Variants in MIP observed in about 807,000 individuals in gnomAD.
MIP encodes the protein major intrinsic protein of lens fiber, also known as lens fiber major intrinsic protein.
Under a neutral mutation model 21.8 loss-of-function variants are expected in MIP, and 14 were observed. That is an observed-to-expected ratio of 0.64 (90% CI 0.42 to 1.00). The LOEUF (loss-of-function observed/expected upper bound fraction) is 1.00, where lower values mean the gene tolerates loss of function less well. MIP is among the 50% of genes least tolerant of loss of function. MIP has a pLI of 0.00. For missense variants in MIP, 260 were observed against 333.5 expected, an observed-to-expected ratio of 0.78 and a Z score of 1.72; for synonymous variants, 133 against 141.4, an observed-to-expected ratio of 0.94 and a Z score of 0.42.
At chr12:56,453,015 T>C in intron 3 of MIP, 57 bp downstream of exon 3, 1 of 1,181,380 alleles carries the variant, frequency 8.5e-7, no homozygotes, top group South Asian at 1.2e-5. Context: ...GCCTGGAACC[T>C]GCAGTCCACA....
In MIP at chr12:56,453,713, T is replaced by A. The variant is rs1868695532; in HGVS notation, c.403A>T (p.Ile135Phe). The A allele has an allele frequency of 6.2e-7, 1 of 1,614,068 alleles. No homozygotes were observed. Among genetic ancestry groups the A allele is most frequent in the South Asian group, 1.1e-5 (1 of 91,074 alleles). The change falls in exon 2 of 4, where the codon ATC (isoleucine) becomes TTC (phenylalanine). Residue 135 changes from isoleucine to phenylalanine, a missense_variant. Ile to Phe is a conservative substitution (Grantham distance 21). Transcript: ENST00000652304. ...AGCACGAACTGGAGCGTCAGGAAGA[T>A]CTCCACTGTGGTTGCCTGGCCCACG... is the stretch of plus-strand genomic sequence containing the variant. ...VSVGQATTVE[I>F]FLTLQFVLCI...
At position 56,451,062 on chromosome 12, in the gene MIP, A is replaced by T. The variant is rs2136164228; in HGVS notation, c.*218T>A. The T allele has an allele frequency of 1.8e-6, 1 of 557,958 alleles. No homozygotes were observed. Among genetic ancestry groups the T allele is most frequent in the Admixed American group, 3.2e-5 (1 of 31,552 alleles). 34.6% of individuals were successfully genotyped at this position (557,958 alleles called of 1,614,324 possible). A position where few individuals can be genotyped will look rare whatever the true frequency, so the allele number is the denominator to read the frequency against. On this transcript the variant is annotated 3_prime_UTR_variant, in exon 4 of 4. Coordinates refer to ENST00000652304, the MANE Select transcript of MIP (RefSeq NM_012064.4). ...AGCACACACGGCGAAGGGTGGTGGG[A>T]TGGGGAGGAAGGGAAGTTTGCACCA...
In MIP at chr12:56,454,448, C is replaced by T. The variant is rs769646517; in HGVS notation, c.166G>A (p.Val56Met). ...MAFGLALATL[V>M]QSVGHISGAH... ...CCACTGATGTGGCCCACAGACTGCA[C>T]CAGTGTAGCCAGGGCCAAGCCAAAT... Residue 56 changes from valine (V) to methionine (M), a missense_variant, in exon 1 of 4, where the codon GTG (valine) becomes ATG (methionine). By Grantham distance (21) the Val-to-Met change is conservative. Transcript: ENST00000652304. 3.1e-6 allele frequency: 5 copies of T among 1,613,874 alleles called. No homozygotes were observed. Among genetic ancestry groups the T allele is most frequent in the Admixed American group, 3.3e-5 (2 of 59,990 alleles).
intron 3 of MIP, 23 bp from the exon 4 acceptor site, chr12:56,451,488 C>T (rs2136164806): frequency 8.1e-6 from 13 of 1,612,336 alleles, no homozygotes; most frequent in Non-Finnish European, 1.1e-5. Context: ...AAAAGGAATA[C>T]TCAGGCTTGG....
intron 1 of MIP, 95 bp from the exon 2 acceptor site, chr12:56,453,850 G>A: frequency 7.8e-7 from 1 of 1,276,114 alleles, no homozygotes; most frequent in Non-Finnish European, 1.1e-6. Context: ...TACGGCATCA[G>A]GTCCGTGGAG....
At position 56,454,524 on chromosome 12, in the gene MIP, G is replaced by A. The variant is rs1868734973; in HGVS notation, c.90C>T (p.Ser30=). ...GGGGTCCAGGAGCCCAGCGCAGTGA[G>A]GACCCCAGCCCAAAGAAGACATAGA... ...TLFYVFFGLG[S]SLRWAPGPLH... is the part of the protein sequence containing the mutation. Residue 30 remains serine (S), a synonymous_variant, in exon 1 of 4, where the codon TCC becomes TCT. Coordinates refer to ENST00000652304, the MANE Select transcript of MIP (RefSeq NM_012064.4). The A allele has an allele frequency of 6.2e-7, 1 of 1,613,326 alleles. No homozygotes were observed. Among genetic ancestry groups the A allele is most frequent in the African/African-American group, 1.3e-5 (1 of 74,918 alleles).
At position 56,453,707 on chromosome 12, in the gene MIP, G is replaced by T; in HGVS notation, c.409C>A (p.Leu137Met). ...VGQATTVEIF[L>M]TLQFVLCIFA... ...ATGCAGAGCACGAACTGGAGCGTCA[G>T]GAAGATCTCCACTGTGGTTGCCTGG... Residue 137 changes from leucine to methionine, a missense_variant, in exon 2 of 4, where the codon CTG becomes ATG. Coordinates refer to ENST00000652304, the MANE Select transcript of MIP (RefSeq NM_012064.4). The T allele has an allele frequency of 6.2e-7, 1 of 1,614,114 alleles. No individual in the cohort carries two copies. Among genetic ancestry groups the T allele is most frequent in the Non-Finnish European group, 8.5e-7 (1 of 1,180,006 alleles).
Position 56,451,219 on chromosome 12 carries a change from C to T in MIP, c.*61G>A. On this transcript the variant is annotated 3_prime_UTR_variant, in exon 4 of 4. Coordinates refer to ENST00000652304, the MANE Select transcript of MIP (RefSeq NM_012064.4). ...CACAGTCTCTTTCTTCATCTAGGGGCTGGCTAAACCCCTCCACGTAAACTC... is the reference window on the plus strand; with the variant it reads ...CACAGTCTCTTTCTTCATCTAGGGGTTGGCTAAACCCCTCCACGTAAACTC... 1 of 1,465,370 alleles carries T rather than the reference C, an allele frequency of 6.8e-7. No homozygotes were observed. 90.8% of individuals were successfully genotyped at this position (1,465,370 alleles called of 1,614,324 possible). A position where few individuals can be genotyped will look rare whatever the true frequency, so the allele number is the denominator to read the frequency against.
intron 3 of MIP, 121 bp from the exon 4 acceptor site, chr12:56,451,586 A>G: frequency 1.3e-6 from 1 of 762,334 alleles, no homozygotes; most frequent in East Asian, 2.5e-5. Flanking sequence ...CAATAAACTC[A>G]CCATTTATTT....
chr12:56,450,254 A>G lies in MIP; in HGVS notation c.*1026T>C, dbSNP rs1868547746. 2 of 152,176 alleles carry G rather than the reference A, an allele frequency of 1.3e-5. No individual in the cohort carries two copies. The highest frequency in any genetic ancestry group is 4.8e-5 in the African/African-American group (2 of 41,442). 9.4% of individuals were successfully genotyped at this position (152,176 alleles called of 1,614,324 possible). Reference sequence around the variant, plus strand: ...AAAAGCAGAAAGATGCCATTTGAGGAGTGTTTTGATTTGCTCTAAATAAAT... The same window carrying G: ...AAAAGCAGAAAGATGCCATTTGAGGGGTGTTTTGATTTGCTCTAAATAAAT... On this transcript the variant is annotated 3_prime_UTR_variant, in exon 4 of 4. Transcript: ENST00000652304.
chr12:56,453,570 G>A, intron 2 of MIP, 21 bp downstream of exon 2: 1 of 1,614,182 alleles, frequency 6.2e-7, no homozygotes, highest in Non-Finnish European at 8.5e-7. Context: ...TGAATGAGAA[G>A]TTGCTCTCCT....
At position 56,453,276 on chromosome 12, in the gene MIP, G is replaced by C. The variant is rs142558101; in HGVS notation, c.526-124C>G. 704 of 792,606 alleles carry C rather than the reference G, an allele frequency of 8.9e-4. 4 individuals carry two copies. In the African/African-American group the frequency reaches 0.011, roughly 12 times the overall value. The allele number at this position is 792,606 out of a possible 1,614,324, so 49.1% of individuals were successfully genotyped here. A position where few individuals can be genotyped will look rare whatever the true frequency, so the allele number is the denominator to read the frequency against. On this transcript the variant is annotated intron_variant, in intron 2 of 3. Coordinates refer to ENST00000652304, the MANE Select transcript of MIP (RefSeq NM_012064.4). Reference sequence around the variant, plus strand: ...AGCCAGCAGCAAGTGGAGAGGGACAGCCTGCATGACTCTCCAGGGGTTCCT... The same window carrying C: ...AGCCAGCAGCAAGTGGAGAGGGACACCCTGCATGACTCTCCAGGGGTTCCT...
At position 56,454,276 on chromosome 12, in the gene MIP, C is replaced by T. The variant is rs774928445; in HGVS notation, c.338G>A (p.Arg113Gln). 1.2e-5 allele frequency: 19 copies of T among 1,613,996 alleles called. No homozygotes were observed. The highest frequency in any genetic ancestry group is 2.2e-5 in the East Asian group (1 of 44,896). ...VLYSVTPPAV[R>Q]GNLALNTLHP... ...TACCGTGTTGAGTGCTAGGTTTCCT[C>T]GGACAGCAGGTGGGGTAACGCTATA... Residue 113 changes from arginine (R) to glutamine (Q), a missense_variant, in exon 1 of 4, where the codon CGA (arginine) becomes CAA (glutamine). Physicochemically the swap from Arg to Gln is conservative, Grantham distance 43. Coordinates refer to ENST00000652304, the MANE Select transcript of MIP (RefSeq NM_012064.4).
Position 56,453,140 on chromosome 12 carries a change from C to A in MIP, c.538G>T (p.Gly180Cys), listed in dbSNP as rs1315794899. The A allele has an allele frequency of 1.2e-6, 2 of 1,612,454 alleles. No homozygotes were observed. Among genetic ancestry groups the A allele is most frequent in the Non-Finnish European group, 1.7e-6 (2 of 1,178,470 alleles). ...GAGCGGGCAGGATTCATGCCTGCAC[C>A]AGTATAATACATCTGCAAAAGAGAC... ...LGHLFGMYYT[G>C]AGMNPARSFA... Residue 180 changes from glycine (G) to cysteine (C), a missense_variant, in exon 3 of 4, where the codon GGT (glycine) becomes TGT (cysteine). Gly to Cys is a radical substitution (Grantham distance 159). Coordinates refer to ENST00000652304, the MANE Select transcript of MIP (RefSeq NM_012064.4).
intron 1 of MIP, 107 bp downstream of exon 1, chr12:56,454,147 T>C: frequency 6.8e-7 from 1 of 1,476,492 alleles, no homozygotes; most frequent in Non-Finnish European, 9.4e-7. Flanking sequence ...CACATGCACA[T>C]ATTGTCCCAG....
chr12:56,453,860 G>C (rs1466496507), intron 1 of MIP, 105 bp from the exon 2 acceptor site: 2 of 1,173,268 alleles, frequency 1.7e-6, no homozygotes, highest in Admixed American at 2.0e-5. Context: ...GGTCCGTGGA[G>C]AGGAAGGATA....
At chr12:56,452,373 C>T (rs952394614) in intron 3 of MIP, among the ~76,000 whole-genome samples, 1 of 152,218 alleles carries the variant, frequency 6.6e-6, no homozygotes, top group African/African-American at 2.4e-5. Flanking sequence ...TTCCTTTTTA[C>T]AGGTAATATT....
At chr12:56,452,906 A>C in intron 3 of MIP, 166 bp downstream of exon 3, 1 of 680,080 alleles carries the variant, frequency 1.5e-6, no homozygotes, top group Non-Finnish European at 2.7e-6. Flanking sequence ...TAGCAAAATC[A>C]TGAATCCTGC....
At chr12:56,453,867 G>A (rs1006059421) in intron 1 of MIP, 112 bp from the exon 2 acceptor site, 5 of 1,058,828 alleles carry the variant, frequency 4.7e-6, no homozygotes, top group Non-Finnish European at 7.1e-6. Flanking sequence ...GGAGAGGAAG[G>A]ATAATACAAC....
Sources: gnomAD v4.1 joint callset for allele counts (sites outside exome capture counted in the v4.1 genomes callset) on GRCh38, gnomAD v4.1.1 for gene constraint, MANE v1.5 for transcripts, NCBI Gene and HGNC (gene_info 2026-07-23, HGNC 2026-07-21) for gene names.